Variants in GRIN2A observed in about 807,000 individuals in gnomAD.
GRIN2A encodes the protein glutamate ionotropic receptor NMDA type subunit 2A, also known as glutamate receptor ionotropic, NMDA 2A.
In GRIN2A, 22 loss-of-function variants were observed where a neutral mutation model predicts 113.4. That is an observed-to-expected ratio of 0.19 (90% CI 0.14 to 0.28). The LOEUF (loss-of-function observed/expected upper bound fraction) is 0.28. Ranked by LOEUF, GRIN2A falls within the 10% of genes least tolerant of loss-of-function variation. The pLI is 1.00. For synonymous variants in GRIN2A, 827 were observed against 738.4 expected (o/e 1.12, Z -1.94); for missense variants, 1,502 against 1,887.0 (o/e 0.80, Z 3.78).
At chr16:10,020,297 G>T (rs1405978314) in intron 2 of GRIN2A, among the ~76,000 whole-genome samples, 1 of 152,144 alleles carries the variant, frequency 6.6e-6, no homozygotes, top group Non-Finnish European at 1.5e-5. Context: ...GGTGCCTGTA[G>T]TCCCAGCTAC....
chr16:9,966,832 A>G (rs1410207627), intron 2 of GRIN2A, among the ~76,000 whole-genome samples: 1 of 152,192 alleles, frequency 6.6e-6, no homozygotes, highest in Non-Finnish European at 1.5e-5. Flanking sequence ...TAGGATGCAT[A>G]TGGGCCTGAG....
At chr16:9,978,508 C>A (rs942996741) in intron 2 of GRIN2A, among the ~76,000 whole-genome samples, 1 of 151,990 alleles carries the variant, frequency 6.6e-6, no homozygotes, top group African/African-American at 2.4e-5. Context: ...CCTCTCCTTC[C>A]CCTTCCTCCT....
chr16:10,039,894 A>G (rs1265652866), intron 2 of GRIN2A, among the ~76,000 whole-genome samples: 1 of 138,394 alleles, frequency 7.2e-6, no homozygotes, highest in Non-Finnish European at 1.6e-5. Context: ...CACCAGGTAC[A>G]CACTCGCAAT....
intron 2 of GRIN2A, among the ~76,000 whole-genome samples, chr16:10,153,940 C>T (rs577146463): frequency 6.6e-6 from 1 of 152,236 alleles, no homozygotes; most frequent in Non-Finnish European, 1.5e-5. Flanking sequence ...CCTCCTCCCA[C>T]GTATTCACAA....
intron 2 of GRIN2A, among the ~76,000 whole-genome samples, chr16:10,025,911 A>T (rs1361458057): frequency 1.3e-5 from 2 of 152,184 alleles, no homozygotes; most frequent in East Asian, 3.9e-4. Context: ...AGTTTCCTCT[A>T]AAGAAAAAAT....
At chr16:10,109,674 TAATA>T (rs1371939733) in intron 2 of GRIN2A, among the ~76,000 whole-genome samples, 1 of 151,790 alleles carries the variant, frequency 6.6e-6, no homozygotes, top group Non-Finnish European at 1.5e-5. Flanking sequence ...ACCTACCATT[TAATA>T]AATGGCACAA....
chr16:10,142,271 C>T (rs1159117644), intron 2 of GRIN2A, among the ~76,000 whole-genome samples: 2 of 152,200 alleles, frequency 1.3e-5, no homozygotes, highest in African/African-American at 4.8e-5. Flanking sequence ...TTAAGGTTAG[C>T]TGCAGCACAC....
chr16:9,957,613 TAGGA>T (rs1177419923), intron 2 of GRIN2A, among the ~76,000 whole-genome samples: 1 of 152,128 alleles, frequency 6.6e-6, no homozygotes, highest in African/African-American at 2.4e-5. Context: ...CAGCTTCTAA[TAGGA>T]AGGGAGATTA....
intron 2 of GRIN2A, among the ~76,000 whole-genome samples, chr16:10,055,112 GA>G (rs75759716): frequency 0.32 from 21,406 of 66,802 alleles, 4,001 homozygotes; most frequent in East Asian, 0.72. Flanking sequence ...AAAGAAAAAA[GA>G]AAAAAAAAAC....
chr16:10,170,452 G>T (rs1221744954), intron 2 of GRIN2A, among the ~76,000 whole-genome samples: 5 of 152,162 alleles, frequency 3.3e-5, no homozygotes, highest in African/African-American at 1.2e-4. Flanking sequence ...AAAATATATT[G>T]TATACAGGCA....
chr16:10,088,893 CCTTT>C (rs1269641577), intron 2 of GRIN2A, among the ~76,000 whole-genome samples: 1 of 150,596 alleles, frequency 6.6e-6, no homozygotes, highest in East Asian at 1.9e-4. Flanking sequence ...CTTCATTCAC[CCTTT>C]CTTTCTCTTA....
intron 2 of GRIN2A, among the ~76,000 whole-genome samples, chr16:10,052,501 G>A (rs956526789): frequency 6.6e-5 from 10 of 152,170 alleles, no homozygotes; most frequent in African/African-American, 1.2e-4. Context: ...TTAAGGAATC[G>A]CCATCTGCCC....
intron 2 of GRIN2A, among the ~76,000 whole-genome samples, chr16:10,048,994 G>T (rs1013902302): frequency 4.6e-5 from 7 of 152,174 alleles, no homozygotes; most frequent in African/African-American, 1.7e-4. Context: ...GAAACTTGCT[G>T]TCTCTATTCT....
At chr16:10,122,063 GAA>G (rs1248503182) in intron 2 of GRIN2A, among the ~76,000 whole-genome samples, 1 of 152,188 alleles carries the variant, frequency 6.6e-6, no homozygotes, top group Non-Finnish European at 1.5e-5. Context: ...GGATCCCACT[GAA>G]GTTTATTCAG....
intron 4 of GRIN2A, among the ~76,000 whole-genome samples, chr16:9,850,359 C>G (rs899924579): frequency 6.6e-6 from 1 of 152,178 alleles, no homozygotes; most frequent in South Asian, 2.1e-4. Flanking sequence ...ACTAGGCAAG[C>G]TCTTAATCCT....
At chr16:9,977,475 T>C (rs1316465898) in intron 2 of GRIN2A, among the ~76,000 whole-genome samples, 6 of 152,212 alleles carry the variant, frequency 3.9e-5, no homozygotes, top group African/African-American at 1.2e-4. Context: ...GTTAATTTCA[T>C]TGCATGCCAT....
chr16:9,899,176 C>A (rs948046750), intron 3 of GRIN2A, among the ~76,000 whole-genome samples: 2 of 152,064 alleles, frequency 1.3e-5, no homozygotes, highest in African/African-American at 4.8e-5. Flanking sequence ...CGGTGGCTCG[C>A]ACCTGTAATC....
intron 2 of GRIN2A, among the ~76,000 whole-genome samples, chr16:10,164,414 A>G (rs910243480): frequency 6.6e-6 from 1 of 152,204 alleles, no homozygotes; most frequent in African/African-American, 2.4e-5. Context: ...GCTTTTTTAG[A>G]GAAAGGAACA....
rs2883162 is a variant in GRIN2A, at chr16:10,132,246, C to G, written c.414+47752G>C. Among the ~76,000 whole-genome samples the G allele has an allele frequency of 2.6e-3, 395 of 149,102 alleles. 4 individuals carry two copies. The highest frequency in any genetic ancestry group is 9.4e-3 in the African/African-American group (384 of 40,952). On this transcript the variant is annotated intron_variant, in intron 2 of 12. Coordinates refer to ENST00000330684, the MANE Select transcript of GRIN2A (RefSeq NM_001134407.3). ...ACTCAGGAACCTGAGGCAGGAGAAT[C>G]GCTTGAACCCGGGAGGCAGAGGTTG...
Sources: gnomAD v4.1 joint callset for allele counts (sites outside exome capture counted in the v4.1 genomes callset) on GRCh38, gnomAD v4.1.1 for gene constraint, MANE v1.5 for transcripts, NCBI Gene and HGNC (gene_info 2026-07-23, HGNC 2026-07-21) for gene names.